Variants in ONECUT2 observed in about 807,000 individuals in gnomAD.
ONECUT2 encodes one cut homeobox 2, also known as one cut domain family member 2.
In ONECUT2, 10 loss-of-function variants were observed where a neutral mutation model predicts 27.9. That is an observed-to-expected ratio of 0.36 (90% confidence interval 0.22 to 0.61). The LOEUF is 0.61. Among genes scored for constraint, ONECUT2 ranks in the 20% least tolerant of loss-of-function variants. The probability of loss-of-function intolerance (pLI) is 0.73; values close to 1 mark genes in which losing one functional copy is unlikely to be tolerated. For synonymous variants in ONECUT2, 334 were observed against 315.1 expected (o/e 1.06, Z -0.64); for missense variants, 686 against 721.0 (o/e 0.95, Z 0.56).
At chr18:57,444,426 G>T (rs1285593756) in intron 1 of ONECUT2, 8 of 456,610 alleles carry the variant, frequency 1.8e-5, no homozygotes, top group Non-Finnish European at 3.1e-5. Context: ...AGCAGGATCT[G>T]GGTGGGTAGC....
intron 1 of ONECUT2, among the ~76,000 whole-genome samples, chr18:57,440,904 C>A (rs918269931): frequency 4.6e-5 from 7 of 152,228 alleles, no homozygotes; most frequent in African/African-American, 1.7e-4. Flanking sequence ...GCAACCCGTG[C>A]CAGTACGGAA....
Position 57,436,061 on chromosome 18 carries a change from C to G in ONECUT2, c.345C>G (p.Asp115Glu). Residue 115 changes from aspartate to glutamate, a missense_variant, in exon 1 of 2, where the codon GAC (aspartate) becomes GAG (glutamate). Around this residue, in one of 4 missense-constraint regions of ONECUT2, gnomAD observed 511 missense variants for 488.1 expected, o/e 1.05. Coordinates refer to ENST00000491143, the MANE Select transcript of ONECUT2 (RefSeq NM_004852.3). The surrounding 1 kb of genome is among the most constrained non-coding windows in gnomAD (Gnocchi z 5.9). ...TCACCAGCATGGCCTCGATCCTGGA[C>G]GGCGGCGACTACCGGCCCGAGCTCT... is the stretch of plus-strand genomic sequence containing the variant. Reference protein sequence around the residue: ...AMVTSMASILDGGDYRPELSI... With the variant: ...AMVTSMASILEGGDYRPELSI... The G allele has an allele frequency of 6.3e-7, 1 of 1,594,612 alleles. No individual in the cohort carries two copies. The highest frequency in any genetic ancestry group is 1.1e-5 in the South Asian group (1 of 90,506).
rs2050459437 is a variant in ONECUT2 at position 57,490,381 on chromosome 18, A to C, written c.*13658A>C. 2.0e-5 allele frequency: 3 copies of C among 152,180 alleles called. No homozygotes were observed. Among genetic ancestry groups the C allele is most frequent in the Admixed American group, 2.0e-4 (3 of 15,276 alleles). 9.4% of individuals were successfully genotyped at this position (152,180 alleles called of 1,614,324 possible). A position where few individuals can be genotyped will look rare whatever the true frequency, so the allele number is the denominator to read the frequency against. Reference sequence around the variant, plus strand: ...TTCTTGCTATTTAAAAATACCTTTAAATTTCACATGCTGGCCTGCAGAACT... The same window carrying C: ...TTCTTGCTATTTAAAAATACCTTTACATTTCACATGCTGGCCTGCAGAACT... On this transcript the variant is annotated 3_prime_UTR_variant, in exon 2 of 2. Coordinates refer to ENST00000491143, the MANE Select transcript of ONECUT2 (RefSeq NM_004852.3).
rs1222290780 is a variant in ONECUT2, at chr18:57,488,819, A to C, written c.*12096A>C. 6.6e-6 allele frequency: 1 copy of C among 152,444 alleles called. No homozygotes were observed. The highest frequency in any genetic ancestry group is 1.5e-5 in the Non-Finnish European group (1 of 68,062). 9.4% of individuals were successfully genotyped at this position (152,444 alleles called of 1,614,324 possible). On this transcript the variant is annotated 3_prime_UTR_variant, in exon 2 of 2. Coordinates refer to ENST00000491143, the MANE Select transcript of ONECUT2 (RefSeq NM_004852.3). ...TGGGAAAAGGCAGGTCATGGGCTGG[A>C]AGGTAGGTTTTGGTACTAGGAAGAA...
At chr18:57,447,859 G>C (rs1355270379) in intron 1 of ONECUT2, among the ~76,000 whole-genome samples, 2 of 152,298 alleles carry the variant, frequency 1.3e-5, no homozygotes, top group East Asian at 1.9e-4. Context: ...CTAGAAACTG[G>C]ATTTGATTTC....
intron 1 of ONECUT2, among the ~76,000 whole-genome samples, chr18:57,466,445 A>G (rs2050321719): frequency 6.6e-6 from 1 of 152,188 alleles, no homozygotes; most frequent in Non-Finnish European, 1.5e-5. Context: ...AAGCTGCCCC[A>G]TGCTCTCCTA....
At position 57,436,544 on chromosome 18, in the gene ONECUT2, C is replaced by T. The variant is rs2050143690; in HGVS notation, c.828C>T (p.His276=). ...HTAMLTRGEQ[H]LSRGLGTPPA... Reference sequence around the variant, plus strand: ...CCATGCTGACCCGCGGTGAGCAACACCTGTCCCGCGGCCTGGGCACCCCAC... The same window carrying T: ...CCATGCTGACCCGCGGTGAGCAACATCTGTCCCGCGGCCTGGGCACCCCAC... The change falls in exon 1 of 2, where the codon CAC becomes CAT. Residue 276 remains histidine, a synonymous_variant. Coordinates refer to ENST00000491143, the MANE Select transcript of ONECUT2 (RefSeq NM_004852.3). The surrounding 1 kb of genome is among the most constrained non-coding windows in gnomAD (Gnocchi z 5.9). 6.2e-7 allele frequency: 1 copy of T among 1,612,322 alleles called. No homozygotes were observed. The highest frequency in any genetic ancestry group is 8.5e-7 in the Non-Finnish European group (1 of 1,179,900).
chr18:57,472,695 T>C (rs1339361353), intron 1 of ONECUT2, among the ~76,000 whole-genome samples: 1 of 152,094 alleles, frequency 6.6e-6, no homozygotes, highest in Non-Finnish European at 1.5e-5. Flanking sequence ...ATCTTAAATA[T>C]GTGTGTGTAT....
rs145485133 is a variant in ONECUT2, at chr18:57,437,065, C to T, written c.1228+121C>T. ...ATTCTTTCCTTCTCTTTCCTATACA[C>T]GTCCTCTTTCTTCTCGTTTTTATTT... is the stretch of plus-strand genomic sequence containing the variant. On this transcript the variant is annotated intron_variant, in intron 1 of 1. Coordinates refer to ENST00000491143, the MANE Select transcript of ONECUT2 (RefSeq NM_004852.3). 165 of 1,427,414 alleles carry T rather than the reference C, an allele frequency of 1.2e-4. No homozygotes were observed. The African/African-American group carries it at 1.6e-3, about 14-fold the overall frequency. The allele number at this position is 1,427,414 out of a possible 1,614,324, so 88.4% of individuals were successfully genotyped here. A position where few individuals can be genotyped will look rare whatever the true frequency, so the allele number is the denominator to read the frequency against.
intron 1 of ONECUT2, among the ~76,000 whole-genome samples, chr18:57,448,949 A>G (rs115631503): frequency 2.1e-4 from 32 of 152,332 alleles, no homozygotes; most frequent in African/African-American, 7.0e-4. Flanking sequence ...CTTGGATGCA[A>G]TTGCCTCCTA....
At chr18:57,450,414 T>C (rs1045893271) in intron 1 of ONECUT2, among the ~76,000 whole-genome samples, 3 of 152,206 alleles carry the variant, frequency 2.0e-5, no homozygotes, top group Non-Finnish European at 4.4e-5. Context: ...CCTTAAGTGA[T>C]CCACCTGCCT....
chr18:57,439,272 G>A (rs1425074425), intron 1 of ONECUT2, among the ~76,000 whole-genome samples: 1 of 152,236 alleles, frequency 6.6e-6, no homozygotes, highest in Non-Finnish European at 1.5e-5. Context: ...GCAGGGACAG[G>A]CCCGGGACAG....
chr18:57,435,813 C>A lies in ONECUT2; in HGVS notation c.97C>A (p.His33Asn), dbSNP rs748189080. ...GACAATGGAAAGTCTGGGCACTTTG[C>A]ACGGGCCGGCCGGCGGCGGCAGTGG... Reference protein sequence around the residue: ...ELTMESLGTLHGPAGGGSGGG... With the variant: ...ELTMESLGTLNGPAGGGSGGG... The change falls in exon 1 of 2, where the codon CAC becomes AAC. Residue 33 changes from histidine to asparagine, a missense_variant. By Grantham distance (68) the His-to-Asn change is moderately conservative. This residue lies in a region of ONECUT2 where 511 missense variants were observed against 488.1 expected (regional missense o/e 1.05). Coordinates refer to ENST00000491143, the MANE Select transcript of ONECUT2 (RefSeq NM_004852.3). The A allele has an allele frequency of 8.7e-7, 1 of 1,149,316 alleles. No individual in the cohort carries two copies. The highest frequency in any genetic ancestry group is 2.3e-5 in the South Asian group (1 of 43,204). 71.2% of individuals were successfully genotyped at this position (1,149,316 alleles called of 1,614,324 possible).
At chr18:57,447,313 G>A (rs2050205351) in intron 1 of ONECUT2, among the ~76,000 whole-genome samples, 1 of 152,234 alleles carries the variant, frequency 6.6e-6, no homozygotes, top group East Asian at 1.9e-4. Flanking sequence ...GAGGAACGCT[G>A]TTTGAGCGAA....
At position 57,489,592 on chromosome 18, in the gene ONECUT2, A is replaced by C. The variant is rs1167985307; in HGVS notation, c.*12869A>C. On this transcript the variant is annotated 3_prime_UTR_variant, in exon 2 of 2. Coordinates refer to ENST00000491143, the MANE Select transcript of ONECUT2 (RefSeq NM_004852.3). ...GCTTTGGTCCAGTTTGGCCTTTAGC[A>C]TAAGAGTCAGCTTTATCTCTAGGAA... The C allele has an allele frequency of 2.0e-5, 3 of 152,204 alleles. No homozygotes were observed. The highest frequency in any genetic ancestry group is 4.4e-5 in the Non-Finnish European group (3 of 68,036). The allele number at this position is 152,204 out of a possible 1,614,324, so 9.4% of individuals were successfully genotyped here. A position where few individuals can be genotyped will look rare whatever the true frequency, so the allele number is the denominator to read the frequency against.
chr18:57,439,848 C>A (rs548550446), intron 1 of ONECUT2, among the ~76,000 whole-genome samples: 2 of 152,338 alleles, frequency 1.3e-5, no homozygotes, highest in East Asian at 3.9e-4. Context: ...GGTTCCCTTT[C>A]TCTCTCATTT....
chr18:57,448,970 G>T (rs527249862), intron 1 of ONECUT2, among the ~76,000 whole-genome samples: 2 of 152,198 alleles, frequency 1.3e-5, no homozygotes, highest in Non-Finnish European at 2.9e-5. Flanking sequence ...ATGTATACCA[G>T]AGTTCATTTC....
intron 1 of ONECUT2, among the ~76,000 whole-genome samples, chr18:57,471,529 T>C (rs2050353786): frequency 2.0e-5 from 3 of 152,230 alleles, no homozygotes; most frequent in Non-Finnish European, 4.4e-5. Flanking sequence ...AGTTGGTGTC[T>C]GAAGATCTCA....
At chr18:57,454,403 G>A (rs1412644776) in intron 1 of ONECUT2, among the ~76,000 whole-genome samples, 1 of 152,180 alleles carries the variant, frequency 6.6e-6, no homozygotes, top group African/African-American at 2.4e-5. Context: ...GTCAATGACA[G>A]CATGAGCCAA....
Sources: gnomAD v4.1 joint callset for allele counts (sites outside exome capture counted in the v4.1 genomes callset) on GRCh38, gnomAD v4.1.1 for gene constraint, gnomAD v4.1.1 regional missense constraint, Gnocchi (gnomAD v3.1) non-coding constraint, MANE v1.5 for transcripts, NCBI Gene and HGNC (gene_info 2026-07-23, HGNC 2026-07-21) for gene names.